GALNT9: variants seen among roughly 807,000 people sequenced by gnomAD.
GALNT9 encodes the protein polypeptide N-acetylgalactosaminyltransferase 9, also known as GalNAc transferase 9.
In GALNT9, 47 loss-of-function variants were observed where a neutral mutation model predicts 63.1. The observed-to-expected ratio is 0.75, with a 90% confidence interval of 0.59 to 0.95. The LOEUF is 0.95. Ranked by LOEUF, GALNT9 falls within the 40% of genes least tolerant of loss-of-function variation. The probability of loss-of-function intolerance (pLI) is 0.00; values close to 1 mark genes in which losing one functional copy is unlikely to be tolerated. For synonymous variants in GALNT9, 396 were observed against 365.7 expected (o/e 1.08, Z -0.94); for missense variants, 829 against 874.8 (o/e 0.95, Z 0.66).
chr12:132,240,942 A>G (rs1333250182), intron 6 of GALNT9, among the ~76,000 whole-genome samples: 788 of 93,210 alleles, frequency 8.5e-3, no homozygotes, highest in Middle Eastern at 0.044. Context: ...CACACGCCAC[A>G]CCCCCTTCCC....
chr12:132,308,917 T>G (rs28613302), intron 1 of GALNT9, among the ~76,000 whole-genome samples: 119,181 of 151,506 alleles, frequency 0.79, 47,012 homozygotes, highest in East Asian at 1. Context: ...GGGCTCGGGA[T>G]GGCCGCACTG....
Position 132,295,415 on chromosome 12 carries a change from C to CCTTAT in GALNT9, c.239-8986_239-8985insATAAG, listed in dbSNP as rs1555243131. On this transcript the variant is annotated intron_variant, in intron 1 of 10. Transcript: ENST00000328957. ...CCAGAAAAACAGGCAGAGTCCCAGCCCTGGGGACCTGTGAACAGGATCTTA... is the reference window on the plus strand; with the variant it reads ...CCAGAAAAACAGGCAGAGTCCCAGCCCTTATCTGGGGACCTGTGAACAGGATCTTA... Among the ~76,000 whole-genome samples, 963 of 152,362 alleles carry CCTTAT rather than the reference C, an allele frequency of 6.3e-3. 10 individuals are homozygous for CCTTAT. Among genetic ancestry groups the CCTTAT allele is most frequent in the African/African-American group, 0.022 (916 of 41,578 alleles).
chr12:132,329,570 C>A lies in GALNT9; in HGVS notation c.-367G>T, dbSNP rs1257885463. On this transcript the variant is annotated 5_prime_UTR_variant, in exon 1 of 11. Coordinates refer to ENST00000328957, the MANE Select transcript of GALNT9 (RefSeq NM_001122636.2). ...TCCTGTCCTGCCCGCCCCGCAGCCA[C>A]CGCGCCGGTGCAGAGTGACGCGGCC... Among the ~76,000 whole-genome samples, 1 of 147,296 alleles carries A rather than the reference C, an allele frequency of 6.8e-6. No individual in the cohort carries two copies. The highest frequency in any genetic ancestry group is 6.7e-5 in the Admixed American group (1 of 14,876).
chr12:132,299,122 A>T (rs1300421869), intron 1 of GALNT9, among the ~76,000 whole-genome samples: 8 of 121,940 alleles, frequency 6.6e-5, no homozygotes, highest in Non-Finnish European at 1.3e-4. Context: ...TCCCATGATA[A>T]CTAACCCACT....
chr12:132,253,340 G>A (rs1029181800), intron 5 of GALNT9, among the ~76,000 whole-genome samples: 15 of 151,786 alleles, frequency 9.9e-5, no homozygotes, highest in African/African-American at 3.4e-4. Flanking sequence ...CCAAGGAAAG[G>A]AGACTCCCTT....
intron 9 of GALNT9, 100 bp from the exon 10 acceptor site, chr12:132,198,059 C>G (rs1392825274): frequency 9.9e-7 from 1 of 1,010,700 alleles, no homozygotes; most frequent in Non-Finnish European, 1.4e-6. Context: ...CAAACGGGGC[C>G]CTGCGCGGCT....
chr12:132,207,638 G>T (rs891973749), intron 6 of GALNT9, among the ~76,000 whole-genome samples: 13 of 152,308 alleles, frequency 8.5e-5, no homozygotes, highest in African/African-American at 2.6e-4. Flanking sequence ...CGAGGCTCCC[G>T]GGCGGTGGGA....
chr12:132,244,283 ACG>A (rs1491306167), intron 6 of GALNT9, among the ~76,000 whole-genome samples: 2 of 12,398 alleles, frequency 1.6e-4, no homozygotes, highest in African/African-American at 4.6e-4. Flanking sequence ...ATGGGGCTGG[ACG>A]GGGGGGCGTG....
At position 132,199,241 on chromosome 12, in the gene GALNT9, C is replaced by T. The variant is rs1304981464; in HGVS notation, c.1430G>A (p.Cys477Tyr). ...EVRNSKASAY[C>Y]LDQGAEDGDR... The stretch of plus-strand genomic sequence containing the variant: ...GCCGTCCTCCGCTCCCTGGTCCAGA[C>T]AGTAGGCACTGGCTTTGCTGTTTCT... The change falls in exon 9 of 11, where the codon TGT becomes TAT. Residue 477 changes from cysteine (C) to tyrosine (Y), a missense_variant. Transcript: ENST00000328957. 1.9e-6 allele frequency: 3 copies of T among 1,605,096 alleles called. No individual in the cohort carries two copies. Among genetic ancestry groups the T allele is most frequent in the Non-Finnish European group, 1.7e-6 (2 of 1,179,500 alleles).
intron 1 of GALNT9, among the ~76,000 whole-genome samples, chr12:132,311,110 C>T (rs1881798315): frequency 6.6e-6 from 1 of 152,172 alleles, no homozygotes; most frequent in South Asian, 2.1e-4. Flanking sequence ...GCAATAAATA[C>T]CTGACAAGAT....
intron 6 of GALNT9, among the ~76,000 whole-genome samples, chr12:132,211,693 C>T (rs1876961780): frequency 6.6e-6 from 1 of 152,206 alleles, no homozygotes; most frequent in Non-Finnish European, 1.5e-5. Context: ...CTTCCCAGAG[C>T]ATTTCCCCCT....
chr12:132,303,096 C>T (rs116397996), intron 1 of GALNT9, among the ~76,000 whole-genome samples: 1,708 of 152,136 alleles, frequency 0.011, 32 homozygotes, highest in African/African-American at 0.038. Flanking sequence ...TCGGGAAAGC[C>T]TCCCTGTGTA....
rs140488173 is a variant in GALNT9, at chr12:132,237,911, G to A, written c.1077+9999C>T. ...CAAAACCTCTGCATGAGGGACCCCC[G>A]TGCCAGGCCTGCCCCTGCTGCCCTC... On this transcript the variant is annotated intron_variant, in intron 6 of 10. Transcript: ENST00000328957. Among the ~76,000 whole-genome samples the A allele has an allele frequency of 9.8e-3, 1,494 of 152,198 alleles. 23 individuals are homozygous for A. The highest frequency in any genetic ancestry group is 0.033 in the African/African-American group (1,386 of 41,496).
chr12:132,316,032 C>T lies in GALNT9; in HGVS notation c.238+12934G>A, dbSNP rs1015873664. 1.3e-5 allele frequency among the ~76,000 whole-genome samples: 2 copies of T among 152,182 alleles called. No individual in the cohort carries two copies. Among genetic ancestry groups the T allele is most frequent in the Admixed American group, 6.5e-5 (1 of 15,284 alleles). ...CACGGCAGGCAGGCAGCCCCCGAAA[C>T]GGCCGCCCACCCCCTCACGCCTGCA... On this transcript the variant is annotated intron_variant, in intron 1 of 10. Transcript: ENST00000328957. The surrounding 1 kb of genome is among the most constrained non-coding windows in gnomAD (Gnocchi z 4.3).
intron 6 of GALNT9, chr12:132,240,607 G>A (rs961085731): frequency 4.4e-6 from 2 of 455,590 alleles, no homozygotes; most frequent in African/African-American, 2.0e-5. Flanking sequence ...TCCGTGCGTG[G>A]CCCCGGGGCT....
chr12:132,297,155 C>T (rs1881104004), intron 1 of GALNT9, among the ~76,000 whole-genome samples: 1 of 151,284 alleles, frequency 6.6e-6, no homozygotes, highest in Non-Finnish European at 1.5e-5. Flanking sequence ...CCCAAGATAC[C>T]CAAACTCACT....
Position 132,262,376 on chromosome 12 carries a change from C to T in GALNT9, c.586+83G>A, listed in dbSNP as rs569378394. 449 of 1,475,774 alleles carry T rather than the reference C, an allele frequency of 3.0e-4. 2 individuals are homozygous for T. The highest frequency in any genetic ancestry group is 5.8e-4 in the South Asian group (43 of 73,980). The allele number at this position is 1,475,774 out of a possible 1,614,324, so 91.4% of individuals were successfully genotyped here. A position where few individuals can be genotyped will look rare whatever the true frequency, so the allele number is the denominator to read the frequency against. ...GGGTGCAGTCCTCTGTCGCTCTGCC[C>T]CCGGAGGCTCCACCCAACCCCAACT... On this transcript the variant is annotated intron_variant, in intron 3 of 10. Coordinates refer to ENST00000328957, the MANE Select transcript of GALNT9 (RefSeq NM_001122636.2).
At chr12:132,285,955 C>A (rs1880567455) in intron 2 of GALNT9, among the ~76,000 whole-genome samples, 1 of 152,160 alleles carries the variant, frequency 6.6e-6, no homozygotes, top group Non-Finnish European at 1.5e-5. Context: ...GAGGGCCCCA[C>A]AGGTGGGGGC....
intron 6 of GALNT9, among the ~76,000 whole-genome samples, chr12:132,227,845 C>T (rs1877754927): frequency 6.6e-6 from 1 of 152,084 alleles, no homozygotes; most frequent in Non-Finnish European, 1.5e-5. Flanking sequence ...ACCCCTCGTG[C>T]TCAGCGGGGC....
Sources: allele counts gnomAD v4.1 joint callset (sites outside exome capture counted in the v4.1 genomes callset), GRCh38; gene constraint gnomAD v4.1.1; non-coding constraint Gnocchi (gnomAD v3.1); transcripts MANE v1.5; gene names NCBI Gene and HGNC (gene_info 2026-07-23, HGNC 2026-07-21).